Variants in MAD1L1 observed in about 807,000 individuals in gnomAD.
The protein encoded by MAD1L1 is mitotic spindle assembly checkpoint protein MAD1.
In MAD1L1, 95 loss-of-function variants were observed where a neutral mutation model predicts 96.9. That is an observed-to-expected ratio of 0.98 (90% CI 0.83 to 1.16). The LOEUF (loss-of-function observed/expected upper bound fraction) is 1.16. MAD1L1 is among the 50% of genes most tolerant of loss of function. The pLI is 0.00. For missense variants in MAD1L1, 1,007 were observed against 954.4 expected, an observed-to-expected ratio of 1.06 and a Z score of -0.73; for synonymous variants, 473 against 396.6, an observed-to-expected ratio of 1.19 and a Z score of -2.29.
At chr7:2,082,795 T>A (rs552770950) in intron 11 of MAD1L1, among the ~76,000 whole-genome samples, 23 of 152,362 alleles carry the variant, frequency 1.5e-4, no homozygotes, top group African/African-American at 5.5e-4. Context: ...GCCCGGCGCC[T>A]GCACTCGGCC....
chr7:1,828,917 TGAAGACA>T (rs1782564104), intron 18 of MAD1L1, among the ~76,000 whole-genome samples: 1 of 152,076 alleles, frequency 6.6e-6, no homozygotes, highest in Non-Finnish European at 1.5e-5. Flanking sequence ...CTTCTAAGGA[TGAAGACA>T]ACAAGTACGG....
At chr7:2,118,475 G>A (rs1383582257) in intron 11 of MAD1L1, among the ~76,000 whole-genome samples, 1 of 152,254 alleles carries the variant, frequency 6.6e-6, no homozygotes, top group Non-Finnish European at 1.5e-5. Flanking sequence ...GGCGCGGTGA[G>A]CACACAGGGG....
chr7:1,969,482 G>C (rs1428581667), intron 15 of MAD1L1, among the ~76,000 whole-genome samples: 1 of 152,214 alleles, frequency 6.6e-6, no homozygotes, highest in African/African-American at 2.4e-5. Context: ...AACAAGACAA[G>C]AATGTCTGCT....
intron 11 of MAD1L1, among the ~76,000 whole-genome samples, chr7:2,121,886 G>C (rs550672949): frequency 6.6e-6 from 1 of 152,318 alleles, no homozygotes; most frequent in African/African-American, 2.4e-5. Context: ...ACACAGACCC[G>C]TGCAGCAGCC....
intron 5 of MAD1L1, among the ~76,000 whole-genome samples, chr7:2,220,248 C>T (rs1584583680): frequency 6.6e-6 from 1 of 152,186 alleles, no homozygotes. Context: ...CCTGGGGAGG[C>T]GGCCCCTGAG....
intron 11 of MAD1L1, among the ~76,000 whole-genome samples, chr7:2,091,982 T>C (rs1786239783): frequency 6.6e-6 from 1 of 152,178 alleles, no homozygotes; most frequent in Admixed American, 6.5e-5. Flanking sequence ...GACACAATTT[T>C]CAATTCCCGT....
At chr7:1,925,738 C>T (rs1789050967) in intron 17 of MAD1L1, among the ~76,000 whole-genome samples, 2 of 152,184 alleles carry the variant, frequency 1.3e-5, no homozygotes, top group African/African-American at 4.8e-5. Flanking sequence ...ACTGAACACA[C>T]ATAAAAATAC....
intron 18 of MAD1L1, among the ~76,000 whole-genome samples, chr7:1,875,992 G>C (rs1785367791): frequency 6.6e-6 from 1 of 152,226 alleles, no homozygotes; most frequent in Admixed American, 6.5e-5. Context: ...GTCCTCCCCA[G>C]GGGCCAACTC....
At chr7:1,896,631 C>T (rs887823774) in intron 18 of MAD1L1, among the ~76,000 whole-genome samples, 7 of 152,234 alleles carry the variant, frequency 4.6e-5, no homozygotes, top group East Asian at 3.9e-4. Context: ...AGCAGGACAG[C>T]GGCCACCTTT....
chr7:1,981,647 A>C (rs145655914), intron 14 of MAD1L1, among the ~76,000 whole-genome samples: 35 of 152,178 alleles, frequency 2.3e-4, no homozygotes, highest in Non-Finnish European at 3.1e-4. Context: ...GGCCTCAGGG[A>C]GGGAAGGACA....
chr7:2,191,548 T>C (rs1214658880), intron 10 of MAD1L1, among the ~76,000 whole-genome samples: 2 of 151,962 alleles, frequency 1.3e-5, no homozygotes, highest in African/African-American at 2.4e-5. Context: ...CTGGCCAACA[T>C]GGTGAAACCC....
chr7:1,934,997 G>T (rs1248062576), intron 17 of MAD1L1, among the ~76,000 whole-genome samples: 2 of 151,920 alleles, frequency 1.3e-5, no homozygotes, highest in African/African-American at 4.8e-5. Flanking sequence ...GAGACGGGCA[G>T]AGACCCAGAC....
At chr7:1,908,174 G>A (rs1388529877) in intron 17 of MAD1L1, among the ~76,000 whole-genome samples, 1 of 152,240 alleles carries the variant, frequency 6.6e-6, no homozygotes, top group Non-Finnish European at 1.5e-5. Context: ...CCAGGCTGCT[G>A]CAGCTGGAAC....
chr7:1,835,959 C>T (rs1176719914), intron 18 of MAD1L1, among the ~76,000 whole-genome samples: 3 of 152,254 alleles, frequency 2.0e-5, no homozygotes, highest in East Asian at 3.9e-4. Flanking sequence ...GTGGGAGTGT[C>T]GTGTCATATG....
intron 18 of MAD1L1, among the ~76,000 whole-genome samples, chr7:1,865,039 G>A (rs759919108): frequency 1.3e-5 from 2 of 152,038 alleles, no homozygotes; most frequent in Non-Finnish European, 2.9e-5. Context: ...CCCACCTCAC[G>A]CCCACTGACC....
chr7:2,117,440 TCTGA>T (rs1025442825), intron 11 of MAD1L1, among the ~76,000 whole-genome samples: 6 of 152,190 alleles, frequency 3.9e-5, no homozygotes, highest in Non-Finnish European at 5.9e-5. Flanking sequence ...TATGATATGG[TCTGA>T]CTGTGTCCCC....
At chr7:1,879,552 T>C (rs531637676) in intron 18 of MAD1L1, among the ~76,000 whole-genome samples, 4 of 152,126 alleles carry the variant, frequency 2.6e-5, no homozygotes, top group South Asian at 4.2e-4. Flanking sequence ...TTTCTAGAAA[T>C]TGACAGGCGG....
chr7:1,859,620 G>A (rs2128646185), intron 18 of MAD1L1, among the ~76,000 whole-genome samples: 1 of 152,306 alleles, frequency 6.6e-6, no homozygotes, highest in East Asian at 1.9e-4. Context: ...GTGGATGCCA[G>A]TGGCAGCCCT....
intron 18 of MAD1L1, among the ~76,000 whole-genome samples, chr7:1,889,396 A>T (rs1280442702): frequency 1.3e-5 from 2 of 152,162 alleles, no homozygotes. Context: ...CACTCTTGCC[A>T]TTTCCCTGGC....
Sources: allele counts gnomAD v4.1 joint callset (sites outside exome capture counted in the v4.1 genomes callset), GRCh38; gene constraint gnomAD v4.1.1; transcripts MANE v1.5; gene names NCBI Gene and HGNC (gene_info 2026-07-23, HGNC 2026-07-21).